The following BLTP1 variants were observed in gnomAD, a reference collection of about 807,000 sequenced individuals.
BLTP1 encodes bridge-like lipid transfer protein family member 1.
the BLTP1 span, chr4:122,343,376 A>G: frequency 6.2e-7 from 1 of 1,602,272 alleles, no homozygotes. Context: ...TTTTTCTTGT[A>G]GCTTATATTT....
At chr4:122,347,528 G>C in the BLTP1 span, 1 of 1,611,896 alleles carries the variant, frequency 6.2e-7, no homozygotes, top group African/African-American at 1.3e-5. Context: ...CTAGCATCTG[G>C]CCCAGGGACA....
chr4:122,283,448 CCTGA>C, the BLTP1 span, among the ~76,000 whole-genome samples: 8,629 of 152,114 alleles, frequency 0.057, 282 homozygotes, highest in Non-Finnish European at 0.075. Flanking sequence ...CATGTTGCTG[CCTGA>C]CTTTTTCTTT....
chr4:122,240,159 A>T, the BLTP1 span: 13 of 1,614,014 alleles, frequency 8.1e-6, no homozygotes, highest in African/African-American at 1.6e-4. Flanking sequence ...GAGTGAACAG[A>T]TTACTCCGCA....
the BLTP1 span, chr4:122,190,461 A>G: frequency 1.1e-4 from 106 of 941,902 alleles, no homozygotes; most frequent in Non-Finnish European, 1.3e-4. Context: ...GCTGATATCT[A>G]GTAATATTTT....
chr4:122,272,530 G>A, the BLTP1 span: 2 of 719,120 alleles, frequency 2.8e-6, no homozygotes, highest in South Asian at 2.0e-5. Flanking sequence ...CAGAAAAACT[G>A]GACTTCCCAA....
At chr4:122,190,195 C>G in the BLTP1 span, 1 of 1,315,468 alleles carries the variant, frequency 7.6e-7, no homozygotes, top group Non-Finnish European at 1.0e-6. Flanking sequence ...CTTCCAGGCT[C>G]AAACAATCCT....
chr4:122,328,674 A>G, the BLTP1 span: 1 of 983,076 alleles, frequency 1.0e-6, no homozygotes. Flanking sequence ...CTGTGGCATT[A>G]CATTAACAGA....
the BLTP1 span, chr4:122,257,396 G>A: frequency 2.5e-5 from 41 of 1,613,924 alleles, no homozygotes; most frequent in Non-Finnish European, 3.2e-5. Flanking sequence ...ACCTCAAATA[G>A]CTATGGACCA....
chr4:122,353,633 A>G, the BLTP1 span: 1 of 350,896 alleles, frequency 2.8e-6, no homozygotes, highest in Non-Finnish European at 4.0e-6. The surrounding 1 kb of genome is among the most constrained non-coding windows in gnomAD (Gnocchi z 4.3). Flanking sequence ...ACTAGGGACA[A>G]ATCCAATTAC....
the BLTP1 span, chr4:122,315,308 T>G: frequency 1.9e-6 from 1 of 522,588 alleles, no homozygotes; most frequent in Non-Finnish European, 2.5e-6. Flanking sequence ...ATGCACACTG[T>G]ACACATAGAG....
At chr4:122,276,125 G>C in the BLTP1 span, 1 of 1,016,752 alleles carries the variant, frequency 9.8e-7, no homozygotes, top group Non-Finnish European at 1.3e-6. Flanking sequence ...TTTAGTTATT[G>C]TTTTGTAGCT....
chr4:122,230,090 C>T, the BLTP1 span: 3 of 1,614,128 alleles, frequency 1.9e-6, no homozygotes, highest in East Asian at 6.7e-5. Flanking sequence ...GGCCTATTGG[C>T]TTGAAGCTGG....
the BLTP1 span, chr4:122,238,046 CTG>C: frequency 1.3e-6 from 2 of 1,571,772 alleles, no homozygotes; most frequent in African/African-American, 2.7e-5. Context: ...TTATAAACTG[CTG>C]TTGAGATTTG....
At chr4:122,153,159 GT>G in the BLTP1 span, 15,325 of 125,556 alleles carry the variant, frequency 0.12, 586 homozygotes, top group South Asian at 0.23. Context: ...AGTTGTTGTC[GT>G]TTTTTTTTTT....
the BLTP1 span, chr4:122,175,749 AT>A: frequency 1.4e-6 from 1 of 727,630 alleles, no homozygotes; most frequent in Non-Finnish European, 2.4e-6. Context: ...GATTTCCTGT[AT>A]TTCCTTGTTC....
chr4:122,250,523 C>T, the BLTP1 span: 64 of 1,613,594 alleles, frequency 4.0e-5, no homozygotes, highest in South Asian at 1.8e-4. Context: ...TCCATGTGAC[C>T]GGACAAGCCC....
At chr4:122,234,871 C>T in the BLTP1 span, 2 of 1,613,326 alleles carry the variant, frequency 1.2e-6, no homozygotes, top group African/African-American at 1.3e-5. Flanking sequence ...GGCACAGTAA[C>T]TGGCCTAGAT....
At chr4:122,324,950 T>C in the BLTP1 span, among the ~76,000 whole-genome samples, 1 of 151,946 alleles carries the variant, frequency 6.6e-6, no homozygotes, top group African/African-American at 2.4e-5. Flanking sequence ...AAAATGGAAA[T>C]TTTACATTTT....
At chr4:122,167,244 T>A in the BLTP1 span, among the ~76,000 whole-genome samples, 3 of 152,156 alleles carry the variant, frequency 2.0e-5, no homozygotes, top group Admixed American at 6.5e-5. Flanking sequence ...TTATCTACCA[T>A]TTTAGGTTTC....
Sources: gnomAD v4.1 joint callset for allele counts (sites outside exome capture counted in the v4.1 genomes callset) on GRCh38, gnomAD v4.1.1 for gene constraint, Gnocchi (gnomAD v3.1) non-coding constraint, MANE v1.5 for transcripts, NCBI Gene and HGNC (gene_info 2026-07-23, HGNC 2026-07-21) for gene names.